ECHDC1: variants seen among roughly 807,000 people sequenced by gnomAD.
ECHDC1 encodes the protein ethylmalonyl-CoA decarboxylase.
In ECHDC1, 29 loss-of-function variants were observed where a neutral mutation model predicts 29.7. The observed-to-expected ratio is 0.98, with a 90% confidence interval of 0.73 to 1.33. The LOEUF is 1.33. Ranked by LOEUF, ECHDC1 falls within the 40% of genes most tolerant of loss-of-function variation. The pLI is 0.00. For synonymous variants in ECHDC1, 126 were observed against 123.1 expected (o/e 1.02, Z -0.15); for missense variants, 328 against 350.0 (o/e 0.94, Z 0.50).
intron 5 of ECHDC1, among the ~76,000 whole-genome samples, chr6:127,299,996 C>G (rs1780932909): frequency 6.6e-6 from 1 of 152,050 alleles, no homozygotes; most frequent in Non-Finnish European, 1.5e-5. Context: ...TACCATATAG[C>G]CGAGGTATGT....
chr6:127,318,972 CA>C (rs1378162178), intron 3 of ECHDC1, among the ~76,000 whole-genome samples: 1 of 152,196 alleles, frequency 6.6e-6, no homozygotes. Context: ...AAAACCTTTC[CA>C]ATAAAATCTG....
chr6:127,294,105 A>G (rs1340129489), intron 5 of ECHDC1, among the ~76,000 whole-genome samples: 1 of 152,234 alleles, frequency 6.6e-6, no homozygotes, highest in Non-Finnish European at 1.5e-5. Context: ...GAACTGTCCA[A>G]TACAAGTAAC....
intron 5 of ECHDC1, among the ~76,000 whole-genome samples, chr6:127,297,317 A>G (rs1278786425): frequency 6.6e-6 from 1 of 152,248 alleles, no homozygotes; most frequent in Admixed American, 6.5e-5. Flanking sequence ...TATTCACTAC[A>G]ACATTCTAAC....
chr6:127,335,279 C>T (rs1784331514), intron 1 of ECHDC1, among the ~76,000 whole-genome samples: 1 of 152,022 alleles, frequency 6.6e-6, no homozygotes, highest in Non-Finnish European at 1.5e-5. Context: ...ATTTCAAAAA[C>T]TTGAGAACAG....
intron 1 of ECHDC1, 158 bp downstream of exon 1, chr6:127,343,178 G>C (rs1381822463): frequency 1.3e-5 from 2 of 152,180 alleles, no homozygotes; most frequent in Admixed American, 6.5e-5. Context: ...AGGCCTGCGC[G>C]GCGCTTGCAA....
intron 5 of ECHDC1, chr6:127,294,387 C>T (rs945926695): frequency 4.1e-4 from 62 of 152,196 alleles, no homozygotes; most frequent in African/African-American, 1.5e-3. Flanking sequence ...CGAACATAAA[C>T]TTACTTGTTC....
chr6:127,314,644 A>C (rs1438120851), intron 5 of ECHDC1, among the ~76,000 whole-genome samples, 172 bp downstream of exon 5: 2 of 152,118 alleles, frequency 1.3e-5, no homozygotes, highest in African/African-American at 4.8e-5. Context: ...GTGATCATGA[A>C]ATTTTATTAG....
At chr6:127,297,738 CA>C (rs1780726454) in intron 5 of ECHDC1, among the ~76,000 whole-genome samples, 1 of 152,124 alleles carries the variant, frequency 6.6e-6, no homozygotes, top group African/African-American at 2.4e-5. Flanking sequence ...TGTGCTTACC[CA>C]AGACATACCC....
intron 5 of ECHDC1, among the ~76,000 whole-genome samples, chr6:127,314,323 T>C (rs768121947): frequency 5.9e-5 from 9 of 152,142 alleles, no homozygotes; most frequent in African/African-American, 2.2e-4. Flanking sequence ...CCCAAAGAAC[T>C]TTCTCTATTT....
chr6:127,331,960 G>T, intron 1 of ECHDC1: 1 of 771,766 alleles, frequency 1.3e-6, no homozygotes, highest in Non-Finnish European at 1.6e-6. Context: ...TTTACCTCCT[G>T]AGTAATCTCA....
intron 1 of ECHDC1, among the ~76,000 whole-genome samples, chr6:127,339,444 A>G (rs990108543): frequency 6.6e-6 from 1 of 151,820 alleles, no homozygotes; most frequent in Non-Finnish European, 1.5e-5. Flanking sequence ...TTTCTAAACT[A>G]AAGATAATAT....
intron 3 of ECHDC1, among the ~76,000 whole-genome samples, chr6:127,326,055 C>A (rs1327992502): frequency 1.3e-5 from 2 of 152,094 alleles, no homozygotes; most frequent in Non-Finnish European, 2.9e-5. Context: ...AGTAGAGTTT[C>A]ATTAATAGTA....
intron 3 of ECHDC1, among the ~76,000 whole-genome samples, chr6:127,324,172 C>A (rs1455304502): frequency 2.0e-5 from 3 of 152,078 alleles, no homozygotes; most frequent in African/African-American, 7.2e-5. Context: ...AACAAATAAA[C>A]AATAACAAAA....
chr6:127,341,311 C>G (rs1270073602), intron 1 of ECHDC1, among the ~76,000 whole-genome samples: 4 of 152,156 alleles, frequency 2.6e-5, no homozygotes, highest in African/African-American at 7.2e-5. Flanking sequence ...TGTACACTTT[C>G]GTCCCAGTTC....
rs539932990 is a variant in ECHDC1, at chr6:127,342,706, T to C, written c.-3+630A>G. Reference sequence around the variant, plus strand: ...AGCAAAGAACTGAGTGTTGATTTAATGTTGCCTGAAGTCCTTAACAGCACC... The same window carrying C: ...AGCAAAGAACTGAGTGTTGATTTAACGTTGCCTGAAGTCCTTAACAGCACC... On this transcript the variant is annotated intron_variant, in intron 1 of 5. Coordinates refer to ENST00000454859, the MANE Select transcript of ECHDC1 (RefSeq NM_001002030.2). 1.5e-5 allele frequency: 4 copies of C among 272,188 alleles called. No homozygotes were observed. In the South Asian group the frequency reaches 5.7e-4, roughly 39 times the overall value. 16.9% of individuals were successfully genotyped at this position (272,188 alleles called of 1,614,324 possible). A position where few individuals can be genotyped will look rare whatever the true frequency, so the allele number is the denominator to read the frequency against.
intron 5 of ECHDC1, 110 bp from the exon 6 acceptor site, chr6:127,290,387 G>T: frequency 1.8e-6 from 2 of 1,112,790 alleles, no homozygotes; most frequent in East Asian, 2.6e-5. Context: ...TTTATAGGTA[G>T]GTATATTAAA....
chr6:127,337,903 A>G (rs1784574909), intron 1 of ECHDC1, among the ~76,000 whole-genome samples: 1 of 152,236 alleles, frequency 6.6e-6, no homozygotes, highest in Non-Finnish European at 1.5e-5. Flanking sequence ...TTCAAAATGA[A>G]TTCTGAAGCT....
intron 5 of ECHDC1, among the ~76,000 whole-genome samples, chr6:127,307,648 G>GAAAAAAAAAAAAAAAAAAAAAAA (rs71024770): frequency 4.7e-4 from 23 of 48,494 alleles, no homozygotes; most frequent in Non-Finnish European, 5.2e-4. Flanking sequence ...CTCTGTCTCA[G>GAAAAAAAAAAAAAAAAAAAAAAA]AAAAAAAAAA....
At chr6:127,304,002 G>A (rs1287095117) in intron 5 of ECHDC1, among the ~76,000 whole-genome samples, 6 of 152,134 alleles carry the variant, frequency 3.9e-5, no homozygotes, top group Admixed American at 3.9e-4. Context: ...AGGCCTGGAT[G>A]GCTTTGCCAC....
Sources: allele counts gnomAD v4.1 joint callset (sites outside exome capture counted in the v4.1 genomes callset), GRCh38; gene constraint gnomAD v4.1.1; transcripts MANE v1.5; gene names NCBI Gene and HGNC (gene_info 2026-07-23, HGNC 2026-07-21).